The following CEP85L variants were observed in gnomAD, a reference collection of about 807,000 sequenced individuals.
CEP85L encodes centrosomal protein of 85 kDa-like.
Under a neutral mutation model 100.3 loss-of-function variants are expected in CEP85L, and 60 were observed. The observed-to-expected ratio is 0.60, with a 90% confidence interval of 0.49 to 0.74. The LOEUF (loss-of-function observed/expected upper bound fraction) is 0.74. Among genes scored for constraint, CEP85L ranks in the 30% least tolerant of loss-of-function variants. The pLI is 0.00. For missense variants in CEP85L, 973 were observed against 936.2 expected (o/e 1.04, Z -0.51); for synonymous variants, 319 against 322.7 (o/e 0.99, Z 0.12).
chr6:118,672,456 A>G (rs558719969), intron 1 of CEP85L, among the ~76,000 whole-genome samples: 1 of 152,328 alleles, frequency 6.6e-6, no homozygotes, highest in Non-Finnish European at 1.5e-5. Flanking sequence ...ATTAATAAAT[A>G]AGATACTTGA....
chr6:118,469,135 T>TA lies in CEP85L; in HGVS notation c.2190dup (p.Ser731Ter). The TA allele has an allele frequency of 6.2e-7, 1 of 1,614,074 alleles. No individual in the cohort carries two copies. Among genetic ancestry groups the TA allele is most frequent in the East Asian group, 2.2e-5 (1 of 44,870 alleles). Reference sequence around the variant, plus strand: ...CCCTGAGCACGCTGATTAAGAATACTACACAATGCTTTCAAGTCAAACAAA... The same window carrying TA: ...CCCTGAGCACGCTGATTAAGAATACTAACACAATGCTTTCAAGTCAAACAAA... On this transcript the variant is annotated frameshift_variant, in exon 12 of 13. Coordinates refer to ENST00000368491, the MANE Select transcript of CEP85L (RefSeq NM_001042475.3). LOFTEE classifies it high-confidence loss of function.
intron 4 of CEP85L, among the ~76,000 whole-genome samples, chr6:118,516,514 C>CT (rs939835647): frequency 1.4e-4 from 21 of 152,272 alleles, no homozygotes; most frequent in African/African-American, 5.1e-4. Flanking sequence ...TGATGATGAG[C>CT]TTTTTTTCAC....
In CEP85L at chr6:118,484,350, T is replaced by G. The variant is rs531677093; in HGVS notation, c.1438-492A>C. On this transcript the variant is annotated intron_variant, in intron 6 of 12. Transcript: ENST00000368491. ...AAACAAACAAAAAAAGATTTACACT[T>G]AAAAAAATTTATGTCACTGAAATCA... Among the ~76,000 whole-genome samples, 7 of 152,164 alleles carry G rather than the reference T, an allele frequency of 4.6e-5. No individual in the cohort carries two copies. The South Asian group carries it at 1.5e-3, about 32-fold the overall frequency.
chr6:118,663,914 G>A (rs1776051317), intron 1 of CEP85L, among the ~76,000 whole-genome samples: 1 of 150,592 alleles, frequency 6.6e-6, no homozygotes, highest in Non-Finnish European at 1.5e-5. Flanking sequence ...TTTATTCTTG[G>A]GAAGTTTTTC....
intron 1 of CEP85L, among the ~76,000 whole-genome samples, chr6:118,702,458 G>C (rs1267905347): frequency 4.6e-5 from 7 of 152,180 alleles, no homozygotes; most frequent in Non-Finnish European, 1.0e-4. Flanking sequence ...GATGCAATGA[G>C]CTGTGATTGC....
chr6:118,484,958 A>G (rs1057028261), intron 6 of CEP85L, among the ~76,000 whole-genome samples: 1 of 152,200 alleles, frequency 6.6e-6, no homozygotes, highest in Non-Finnish European at 1.5e-5. Flanking sequence ...AAACCACAAA[A>G]TAAAGGTGTC....
At chr6:118,558,660 C>CAGAGAGAGAGAGAGAGAGAG (rs369698272) in intron 3 of CEP85L, among the ~76,000 whole-genome samples, 2 of 122,214 alleles carry the variant, frequency 1.6e-5, no homozygotes, top group African/African-American at 6.5e-5. Context: ...CACACACACA[C>CAGAGAGAGAGAGAGAGAGAG]AGAGAGAGAG....
chr6:118,631,938 C>A (rs755679673), intron 2 of CEP85L, among the ~76,000 whole-genome samples: 2 of 152,170 alleles, frequency 1.3e-5, no homozygotes, highest in African/African-American at 2.4e-5. Flanking sequence ...ATAATTATCT[C>A]AAAGTAAGAA....
chr6:118,682,771 GCACA>G (rs201043236), intron 1 of CEP85L, among the ~76,000 whole-genome samples: 6,117 of 138,184 alleles, frequency 0.044, 235 homozygotes, highest in African/African-American at 0.11. Context: ...GCCTGAGCAT[GCACA>G]CACACACACA....
intron 4 of CEP85L, among the ~76,000 whole-genome samples, chr6:118,519,763 G>A (rs1025728319): frequency 6.6e-6 from 1 of 151,952 alleles, no homozygotes; most frequent in African/African-American, 2.4e-5. Context: ...TGAAAGTTTA[G>A]GAAATAAAAA....
chr6:118,564,138 T>C (rs192204693), intron 3 of CEP85L, among the ~76,000 whole-genome samples: 10 of 142,018 alleles, frequency 7.0e-5, no homozygotes, highest in African/African-American at 2.4e-4. Flanking sequence ...CTCCTCTGCA[T>C]TGCTTTGAGG....
intron 2 of CEP85L, among the ~76,000 whole-genome samples, chr6:118,568,437 T>C (rs1299308681): frequency 1.3e-5 from 2 of 152,272 alleles, no homozygotes; most frequent in Non-Finnish European, 2.9e-5. Flanking sequence ...GCCAAAAGAA[T>C]GTGGCTGTAT....
intron 10 of CEP85L, among the ~76,000 whole-genome samples, chr6:118,476,131 C>T (rs1773350086): frequency 6.6e-6 from 1 of 152,000 alleles, no homozygotes; most frequent in Non-Finnish European, 1.5e-5. Flanking sequence ...TCGTACAACT[C>T]CCCCCCGCGA....
At chr6:118,583,614 T>A (rs1418804352) in intron 2 of CEP85L, among the ~76,000 whole-genome samples, 1 of 152,186 alleles carries the variant, frequency 6.6e-6, no homozygotes, top group East Asian at 1.9e-4. Flanking sequence ...TAGGTTGAGC[T>A]ATAACCACTA....
At chr6:118,682,507 C>A (rs1199841781) in intron 1 of CEP85L, among the ~76,000 whole-genome samples, 1 of 151,742 alleles carries the variant, frequency 6.6e-6, no homozygotes, top group Non-Finnish European at 1.5e-5. Flanking sequence ...AGGTGAGACA[C>A]AAGTTTCACC....
At chr6:118,631,212 GCTGCTCTAAAAAAA>G (rs1203164998) in intron 2 of CEP85L, among the ~76,000 whole-genome samples, 2 of 152,212 alleles carry the variant, frequency 1.3e-5, no homozygotes, top group East Asian at 3.9e-4. Flanking sequence ...GAATTTTCCT[GCTGCTCTAAAAAAA>G]CTGCTCTAAA....
At chr6:118,675,097 C>T (rs938617015) in intron 1 of CEP85L, among the ~76,000 whole-genome samples, 1 of 152,124 alleles carries the variant, frequency 6.6e-6, no homozygotes, top group Non-Finnish European at 1.5e-5. Context: ...AAGTGTTACA[C>T]ACACACCCAC....
intron 3 of CEP85L, among the ~76,000 whole-genome samples, chr6:118,547,525 T>C (rs1376377016): frequency 6.6e-6 from 1 of 152,148 alleles, no homozygotes; most frequent in African/African-American, 2.4e-5. Flanking sequence ...CATCAGTTTA[T>C]TAAAAATTTG....
chr6:118,554,246 A>G (rs370219036), intron 3 of CEP85L, among the ~76,000 whole-genome samples: 1 of 152,214 alleles, frequency 6.6e-6, no homozygotes, highest in East Asian at 1.9e-4. Context: ...ACGATTGCAC[A>G]ACTGCACTCC....
Sources: allele counts gnomAD v4.1 joint callset (sites outside exome capture counted in the v4.1 genomes callset), GRCh38; gene constraint gnomAD v4.1.1; transcripts MANE v1.5; gene names NCBI Gene and HGNC (gene_info 2026-07-23, HGNC 2026-07-21).